ORC5: variants seen among roughly 807,000 people sequenced by gnomAD.
ORC5 encodes origin recognition complex subunit 5, also known as protein phosphatase 1, regulatory subunit 117.
Under a neutral mutation model 58.8 loss-of-function variants are expected in ORC5, and 39 were observed. The observed-to-expected ratio is 0.66, with a 90% CI of 0.51 to 0.87. The LOEUF is 0.87. Among genes scored for constraint, ORC5 ranks in the 40% least tolerant of loss-of-function variants. The pLI is 0.00. For missense variants in ORC5, 493 were observed against 506.3 expected, an observed-to-expected ratio of 0.97 and a Z score of 0.25; for synonymous variants, 218 against 177.6, an observed-to-expected ratio of 1.23 and a Z score of -1.81.
intron 5 of ORC5, among the ~76,000 whole-genome samples, chr7:104,189,029 T>G (rs1201555705): frequency 6.6e-6 from 1 of 152,092 alleles, no homozygotes; most frequent in Admixed American, 6.6e-5. Context: ...CTTTATAAAT[T>G]TATAAATTAC....
At chr7:104,204,917 T>C (rs2116117406) in intron 1 of ORC5, among the ~76,000 whole-genome samples, 1 of 152,254 alleles carries the variant, frequency 6.6e-6, no homozygotes, top group South Asian at 2.1e-4. Flanking sequence ...CTACAAATAC[T>C]TGTACTTCAT....
chr7:104,186,315 G>T (rs1331188225), intron 6 of ORC5, among the ~76,000 whole-genome samples: 2 of 151,982 alleles, frequency 1.3e-5, no homozygotes, highest in African/African-American at 4.8e-5. Context: ...TTACACTCAG[G>T]TTCTGCGGAG....
At chr7:104,146,534 C>A (rs991862721) in intron 12 of ORC5, among the ~76,000 whole-genome samples, 1 of 152,114 alleles carries the variant, frequency 6.6e-6, no homozygotes, top group Non-Finnish European at 1.5e-5. Flanking sequence ...GAGGAATTAT[C>A]CTGACTCAAA....
At chr7:104,130,769 T>C (rs1798500878) in intron 13 of ORC5, among the ~76,000 whole-genome samples, 1 of 152,348 alleles carries the variant, frequency 6.6e-6, no homozygotes, top group Non-Finnish European at 1.5e-5. Flanking sequence ...TTTTTTGCTA[T>C]CTGGAACATG....
chr7:104,199,880 T>C (rs888891197), intron 3 of ORC5, among the ~76,000 whole-genome samples: 4 of 152,262 alleles, frequency 2.6e-5, no homozygotes, highest in African/African-American at 4.8e-5. Context: ...GTAATCTCCA[T>C]AATCTCCATG....
At chr7:104,169,446 T>C (rs757084281) in intron 8 of ORC5, among the ~76,000 whole-genome samples, 2 of 152,116 alleles carry the variant, frequency 1.3e-5, no homozygotes, top group East Asian at 3.9e-4. Flanking sequence ...CACACTATAG[T>C]ATAATGAGTA....
intron 8 of ORC5, among the ~76,000 whole-genome samples, chr7:104,178,491 T>G (rs1316676155): frequency 6.6e-6 from 1 of 152,112 alleles, no homozygotes; most frequent in Non-Finnish European, 1.5e-5. Flanking sequence ...TTGCAAAAAT[T>G]TTCTCCCATT....
intron 12 of ORC5, among the ~76,000 whole-genome samples, chr7:104,144,942 T>A (rs1798732712): frequency 6.6e-6 from 1 of 152,154 alleles, no homozygotes; most frequent in Non-Finnish European, 1.5e-5. Context: ...CATCGTGGTG[T>A]CTCAGTTTCA....
chr7:104,126,970 T>C (rs751233901), intron 13 of ORC5, 77 bp from the exon 14 acceptor site: 37 of 998,592 alleles, frequency 3.7e-5, no homozygotes, highest in Admixed American at 8.6e-5. Context: ...GGAAAGCACA[T>C]GCAAAATAAT....
In ORC5 at chr7:104,138,779, G is replaced by A. The variant is rs1798629023; in HGVS notation, c.1150-1886C>T. On this transcript the variant is annotated intron_variant, in intron 12 of 13. Transcript: ENST00000297431. The surrounding 1 kb of genome is among the most constrained non-coding windows in gnomAD (Gnocchi z 4.7). ...CACCTGCCTAGCCTCCCAAAGTGTT[G>A]GGATTAGAGGCGTGAGCCCCCGCAC... 6.6e-6 allele frequency among the ~76,000 whole-genome samples: 1 copy of A among 152,100 alleles called. No homozygotes were observed. The highest frequency in any genetic ancestry group is 2.1e-4 in the South Asian group (1 of 4,828).
chr7:104,181,482 C>T (rs1291202209), intron 8 of ORC5, among the ~76,000 whole-genome samples: 7 of 152,076 alleles, frequency 4.6e-5, no homozygotes, highest in African/African-American at 1.7e-4. Flanking sequence ...ACTGTCATAT[C>T]ATATTAGAAA....
At chr7:104,159,727 TCTCAAAGGTTTA>T (rs1365742182) in intron 12 of ORC5, among the ~76,000 whole-genome samples, 1 of 152,116 alleles carries the variant, frequency 6.6e-6, no homozygotes, top group Non-Finnish European at 1.5e-5. Flanking sequence ...AGGCTTTAAA[TCTCAAAGGTTTA>T]CTCATTGCAT....
intron 4 of ORC5, among the ~76,000 whole-genome samples, chr7:104,195,544 C>A (rs968861927): frequency 2.0e-5 from 3 of 152,162 alleles, no homozygotes. Flanking sequence ...GCATGTGCCA[C>A]CATGCCCAGC....
At chr7:104,135,040 ATG>A (rs939564853) in intron 13 of ORC5, among the ~76,000 whole-genome samples, 2 of 152,164 alleles carry the variant, frequency 1.3e-5, no homozygotes, top group Non-Finnish European at 2.9e-5. Flanking sequence ...ATGTCTCTGG[ATG>A]TGTCTAACAT....
chr7:104,152,870 T>A (rs1798868486), intron 12 of ORC5, among the ~76,000 whole-genome samples: 2 of 152,224 alleles, frequency 1.3e-5, no homozygotes, highest in African/African-American at 4.8e-5. Flanking sequence ...TTATGCAATT[T>A]TTTAAATCCC....
Position 104,200,968 on chromosome 7 carries a change from A to G in ORC5, c.166-10T>C, listed in dbSNP as rs991532441. 5.6e-6 allele frequency: 9 copies of G among 1,605,378 alleles called. No individual in the cohort carries two copies. The African/African-American group carries it at 9.4e-5, about 17-fold the overall frequency. On this transcript the variant is annotated splice_polypyrimidine_tract_variant and intron_variant, in intron 2 of 13. Coordinates refer to ENST00000297431, the MANE Select transcript of ORC5 (RefSeq NM_002553.4). The stretch of plus-strand genomic sequence containing the variant: ...CAAACACATGTGGGAGCTGAAAACG[A>G]AAACCAAAACACTGTAAGTAAAGAA...
At chr7:104,184,226 G>C (rs1799495419) in intron 6 of ORC5, 55 bp from the exon 7 acceptor site, 2 of 1,133,428 alleles carry the variant, frequency 1.8e-6, no homozygotes, top group Admixed American at 2.7e-5. Context: ...ATCACAATTA[G>C]AAATTTATTT....
rs1301721953 is a variant in ORC5 at position 104,204,198 on chromosome 7, CATAA to C, written c.105_108del (p.Ile35MetfsTer11). 2 of 1,601,156 alleles carry C rather than the reference CATAA, an allele frequency of 1.2e-6. No individual in the cohort carries two copies. The highest frequency in any genetic ancestry group is 2.2e-5 in the East Asian group (1 of 44,568). ...TAGGTCTTTCCACTAGCAGTATGTC[CATAA>C]ATAAAAATGGATGGAAAGCTGAAAT... On this transcript the variant is annotated frameshift_variant, in exon 2 of 14. Transcript: ENST00000297431. LOFTEE classifies it high-confidence loss of function.
intron 11 of ORC5, 147 bp downstream of exon 11, chr7:104,165,088 T>C (rs1584496191): frequency 1.9e-6 from 1 of 516,072 alleles, no homozygotes; most frequent in South Asian, 2.6e-5. Flanking sequence ...ATATTCAATA[T>C]AACAAAATTC....
Sources: gnomAD v4.1 joint callset for allele counts (sites outside exome capture counted in the v4.1 genomes callset) on GRCh38, gnomAD v4.1.1 for gene constraint, Gnocchi (gnomAD v3.1) non-coding constraint, MANE v1.5 for transcripts, NCBI Gene and HGNC (gene_info 2026-07-23, HGNC 2026-07-21) for gene names.